The following AKR7A2 variants were observed in gnomAD, a reference collection of about 807,000 sequenced individuals.
AKR7A2 encodes the protein aflatoxin B1 aldehyde reductase member 2.
Under a neutral mutation model 37.3 loss-of-function variants are expected in AKR7A2, and 29 were observed. That is an observed-to-expected ratio of 0.78 (90% CI 0.58 to 1.06). AKR7A2 has a LOEUF of 1.06. Ranked by LOEUF, AKR7A2 falls within the 50% of genes least tolerant of loss-of-function variation. The pLI is 0.00. For missense variants in AKR7A2, 529 were observed against 497.9 expected, an observed-to-expected ratio of 1.06 and a Z score of -0.59; for synonymous variants, 228 against 217.8, an observed-to-expected ratio of 1.05 and a Z score of -0.41.
intron 1 of AKR7A2, among the ~76,000 whole-genome samples, chr1:19,311,142 C>G (rs1449092349): frequency 6.6e-6 from 1 of 152,212 alleles, no homozygotes; most frequent in East Asian, 1.9e-4. Context: ...TGCCTCTCCC[C>G]GGCCTGCAGC....
At chr1:19,303,236 C>T (rs894508317), downstream of AKR7A2, among the ~76,000 whole-genome samples, 1 of 152,046 alleles carries the variant, frequency 6.6e-6, no homozygotes, top group African/African-American at 2.4e-5. Flanking sequence ...CACTGTACTC[C>T]GGTCTAGGTG....
Position 19,310,214 on chromosome 1 carries a change from A to G in AKR7A2, c.299-1572T>C, listed in dbSNP as rs185156853. Among the ~76,000 whole-genome samples, 172 of 152,360 alleles carry G rather than the reference A, an allele frequency of 1.1e-3. 1 individual carries two copies. The highest frequency in any genetic ancestry group is 4.0e-3 in the African/African-American group (168 of 41,586). ...CACGAGATCAGTTGGGATATGGGAC[A>G]GAACAAGTTCCACAGTTTCTCATCC... On this transcript the variant is annotated intron_variant, in intron 1 of 6. Transcript: ENST00000235835.
Position 19,312,011 on chromosome 1 carries a change from G to A in AKR7A2, c.114C>T (p.Val38=). The change falls in exon 1 of 7, where the codon GTC becomes GTT. Residue 38 remains valine, a synonymous_variant. Transcript: ENST00000235835. ...TCTCCATGGTGCCCAGCACCGAGGCGACCCGCGGTGGCGGTGGCCGGGACA... is the reference window on the plus strand; with the variant it reads ...TCTCCATGGTGCCCAGCACCGAGGCAACCCGCGGTGGCGGTGGCCGGGACA... ...LAMSRPPPPR[V]ASVLGTMEMG... The A allele has an allele frequency of 6.8e-7, 1 of 1,468,302 alleles. No individual in the cohort carries two copies. Among genetic ancestry groups the A allele is most frequent in the Non-Finnish European group, 9.0e-7 (1 of 1,114,106 alleles). The allele number at this position is 1,468,302 out of a possible 1,614,324, so 91.0% of individuals were successfully genotyped here.
At chr1:19,304,722 G>C (rs1017778987) in intron 6 of AKR7A2, among the ~76,000 whole-genome samples, 10 of 152,172 alleles carry the variant, frequency 6.6e-5, no homozygotes, top group Admixed American at 5.9e-4. Context: ...GAACACTTGA[G>C]CCAAAGTGTT....
Position 19,311,962 on chromosome 1 carries a change from C to A in AKR7A2, c.163G>T (p.Ala55Ser). Residue 55 changes from alanine to serine, a missense_variant, in exon 1 of 7, where the codon GCC becomes TCC. Physicochemically the swap from Ala to Ser is moderately conservative, Grantham distance 99. Coordinates refer to ENST00000235835, the MANE Select transcript of AKR7A2 (RefSeq NM_003689.4). ...MEMGRRMDAP[A>S]SAAAVRAFLE... ...AAGGCGCGCACGGCCGCGGCGCTGGCGGGCGCGTCCATGCGGCGCCCCATC... is the reference window on the plus strand; with the variant it reads ...AAGGCGCGCACGGCCGCGGCGCTGGAGGGCGCGTCCATGCGGCGCCCCATC... The A allele has an allele frequency of 6.3e-7, 1 of 1,577,448 alleles. No individual in the cohort carries two copies. The highest frequency in any genetic ancestry group is 1.1e-5 in the South Asian group (1 of 87,576).
chr1:19,310,565 G>A (rs1051505294), intron 1 of AKR7A2, among the ~76,000 whole-genome samples: 4 of 152,076 alleles, frequency 2.6e-5, no homozygotes, highest in African/African-American at 9.7e-5. Flanking sequence ...GGGCGTGGCC[G>A]TGTGCACCTG....
Position 19,307,054 on chromosome 1 carries a change from G to A in AKR7A2, c.736C>T (p.Gln246Ter). The A allele has an allele frequency of 3.1e-6, 5 of 1,614,232 alleles. No individual in the cohort carries two copies. Among genetic ancestry groups the A allele is most frequent in the Non-Finnish European group, 4.2e-6 (5 of 1,180,046 alleles). The change falls in exon 5 of 7, where the codon CAG becomes TAG. Residue 246 changes from glutamine to a stop codon, truncating the protein, a stop_gained. Coordinates refer to ENST00000235835, the MANE Select transcript of AKR7A2 (RefSeq NM_003689.4). LOFTEE classifies it high-confidence loss of function. ...TTCCCAAAGAAGCGGCCCACAGGCT[G>A]TTTCCCGTCCTTGTCCTCATACTTG... ...KYKYEDKDGK[Q>*]PVGRFFGNSW... is the part of the protein sequence containing the mutation.
At chr1:19,308,382 C>T (rs1015201476) in intron 2 of AKR7A2, 73 bp downstream of exon 2, 12 of 1,597,814 alleles carry the variant, frequency 7.5e-6, no homozygotes, top group Middle Eastern at 1.8e-4. Flanking sequence ...CCTGGTGCCT[C>T]TGCTCTCATG....
At chr1:19,305,564 G>A (rs1377622913) in intron 6 of AKR7A2, among the ~76,000 whole-genome samples, 1 of 152,144 alleles carries the variant, frequency 6.6e-6, no homozygotes, top group African/African-American at 2.4e-5. Context: ...AGACTCAAAT[G>A]CTTGAGATCA....
rs371881897 is a variant in AKR7A2, at chr1:19,307,430, G to A, written c.592-20C>T. 3.9e-5 allele frequency: 63 copies of A among 1,613,466 alleles called. 1 individual carries two copies. In the African/African-American group the frequency reaches 6.0e-4, roughly 15 times the overall value. On this transcript the variant is annotated intron_variant, in intron 3 of 6. Transcript: ENST00000235835. ...CATGCCCTGCAGGGAGAGGGACCCC[G>A]GGGACAGGGTGGACATGTCAAGAGA...
intron 1 of AKR7A2, among the ~76,000 whole-genome samples, chr1:19,311,356 G>A (rs1165569164): frequency 6.6e-6 from 1 of 152,228 alleles, no homozygotes; most frequent in African/African-American, 2.4e-5. Flanking sequence ...CAGCCTTACG[G>A]CATCGCCACA....
In AKR7A2 at chr1:19,308,292, A is replaced by G. The variant is rs1317727413; in HGVS notation, c.487-30T>C. ...ATGGGTGAGGCTCCAGTCAGAACGC[A>G]GTGTAGCCCAGACCAGGAAGGGGAG... On this transcript the variant is annotated intron_variant, in intron 2 of 6. Transcript: ENST00000235835. 2.5e-6 allele frequency: 4 copies of G among 1,613,814 alleles called. No individual in the cohort carries two copies. In the African/African-American group the frequency reaches 5.3e-5, roughly 22 times the overall value.
In AKR7A2 at chr1:19,304,078, G is replaced by C; in HGVS notation, c.*147C>G. On this transcript the variant is annotated 3_prime_UTR_variant, in exon 7 of 7. Coordinates refer to ENST00000235835, the MANE Select transcript of AKR7A2 (RefSeq NM_003689.4). Reference sequence around the variant, plus strand: ...ACCTTTCACAGTGTAAAGTGAATAGGGAGCAAGGCAGGAAGCTAGAAAAAT... The same window carrying C: ...ACCTTTCACAGTGTAAAGTGAATAGCGAGCAAGGCAGGAAGCTAGAAAAAT... 7.5e-7 allele frequency: 1 copy of C among 1,330,526 alleles called. No homozygotes were observed. The allele number at this position is 1,330,526 out of a possible 1,614,324, so 82.4% of individuals were successfully genotyped here. A position where few individuals can be genotyped will look rare whatever the true frequency, so the allele number is the denominator to read the frequency against.
intron 1 of AKR7A2, among the ~76,000 whole-genome samples, chr1:19,310,350 G>A (rs994165129): frequency 1.3e-4 from 20 of 152,098 alleles, no homozygotes; most frequent in South Asian, 4.1e-4. Flanking sequence ...AGACGGAAGC[G>A]GGGAAGGGTT....
In AKR7A2 at chr1:19,304,305, G is replaced by T. The variant is rs2093757313; in HGVS notation, c.1000C>A (p.Pro334Thr). Residue 334 changes from proline to threonine, a missense_variant, in exon 7 of 7, where the codon CCC becomes ACC. Physicochemically the swap from Pro to Thr is conservative, Grantham distance 38. Transcript: ENST00000235835. ...EQNLAATEEG[P>T]LEPAVVDAFN... ...GCATCCACGACAGCCGGCTCCAGGG[G>T]CCCTTCCTCTGTTGCTGCCAAGTTC... 1.2e-6 allele frequency: 2 copies of T among 1,614,128 alleles called. No homozygotes were observed. The highest frequency in any genetic ancestry group is 1.3e-5 in the African/African-American group (1 of 75,022).
downstream of AKR7A2, among the ~76,000 whole-genome samples, chr1:19,303,656 C>T (rs2093755981): frequency 6.6e-6 from 1 of 152,192 alleles, no homozygotes; most frequent in African/African-American, 2.4e-5. Flanking sequence ...TTGGTAGTGA[C>T]TCTAATGGTA....
At position 19,307,296 on chromosome 1, in the gene AKR7A2, C is replaced by T; in HGVS notation, c.688+18G>A. The T allele has an allele frequency of 6.2e-7, 1 of 1,612,726 alleles. No individual in the cohort carries two copies. Among genetic ancestry groups the T allele is most frequent in the Non-Finnish European group, 8.5e-7 (1 of 1,179,954 alleles). On this transcript the variant is annotated intron_variant, in intron 4 of 6. Transcript: ENST00000235835. ...GGTCAGGAATAGGCTGAGACAGGGT[C>T]AGGAATGCTCCACGTACCAGCCAGA...
chr1:19,304,888 A>G (rs934492191), intron 6 of AKR7A2, among the ~76,000 whole-genome samples: 7 of 152,130 alleles, frequency 4.6e-5, no homozygotes, highest in African/African-American at 1.7e-4. Context: ...GCAGTGAGCT[A>G]TGAGTGTGCT....
In AKR7A2 at chr1:19,304,144, C is replaced by A; in HGVS notation, c.*81G>T. 1 of 1,607,664 alleles carries A rather than the reference C, an allele frequency of 6.2e-7. No individual in the cohort carries two copies. Among genetic ancestry groups the A allele is most frequent in the Non-Finnish European group, 8.5e-7 (1 of 1,174,252 alleles). On this transcript the variant is annotated 3_prime_UTR_variant, in exon 7 of 7. Transcript: ENST00000235835. ...ACAATTCAGAAAAACCCTTCTAAGTCAGCTTAAGGCCAAGACTGGTCAGTG... is the reference window on the plus strand; with the variant it reads ...ACAATTCAGAAAAACCCTTCTAAGTAAGCTTAAGGCCAAGACTGGTCAGTG...
Sources: gnomAD v4.1 joint callset for allele counts (sites outside exome capture counted in the v4.1 genomes callset) on GRCh38, gnomAD v4.1.1 for gene constraint, MANE v1.5 for transcripts, NCBI Gene and HGNC (gene_info 2026-07-23, HGNC 2026-07-21) for gene names.